The following TLK1 variants were observed in gnomAD, a reference collection of about 807,000 sequenced individuals.
TLK1 encodes the protein serine/threonine-protein kinase tousled-like 1.
A neutral mutation model predicts 105.3 loss-of-function variants in TLK1; 24 were observed. The observed-to-expected ratio is 0.23, with a 90% CI of 0.17 to 0.32. The LOEUF is 0.32. TLK1 is among the 10% of genes least tolerant of loss of function. TLK1 has a pLI of 1.00. For synonymous variants in TLK1, 321 were observed against 310.4 expected, an observed-to-expected ratio of 1.03 and a Z score of -0.36; for missense variants, 558 against 910.5, an observed-to-expected ratio of 0.61 and a Z score of 4.98.
chr2:171,128,093 C>T (rs1558957491), intron 1 of TLK1, among the ~76,000 whole-genome samples: 1 of 152,050 alleles, frequency 6.6e-6, no homozygotes, highest in Non-Finnish European at 1.5e-5. Context: ...TATAATTGGT[C>T]TTTTTAAACA....
intron 1 of TLK1, among the ~76,000 whole-genome samples, chr2:171,158,170 C>A (rs1337323237): frequency 2.0e-5 from 3 of 152,106 alleles, no homozygotes; most frequent in African/African-American, 7.2e-5. Context: ...ATGAATATAA[C>A]CCTAGAGAGG....
chr2:171,083,368 C>T (rs13025198), intron 2 of TLK1, among the ~76,000 whole-genome samples: 60,002 of 151,852 alleles, frequency 0.4, 13,359 homozygotes, highest in African/African-American at 0.59. Flanking sequence ...TTGACCATCT[C>T]GACCATTTTA....
chr2:171,125,764 T>C (rs925391709), intron 1 of TLK1, among the ~76,000 whole-genome samples: 4 of 152,174 alleles, frequency 2.6e-5, no homozygotes, highest in East Asian at 1.9e-4. Context: ...CAGGTAGTGA[T>C]TGGTTACATG....
chr2:171,118,360 C>A (rs956673814), intron 1 of TLK1, among the ~76,000 whole-genome samples: 2 of 152,208 alleles, frequency 1.3e-5, no homozygotes, highest in Admixed American at 6.5e-5. Flanking sequence ...AACTATGCGA[C>A]ATTACCACTT....
chr2:171,070,758 A>C (rs1688214813), intron 3 of TLK1, among the ~76,000 whole-genome samples: 1 of 152,150 alleles, frequency 6.6e-6, no homozygotes, highest in Non-Finnish European at 1.5e-5. Flanking sequence ...TCTTTGATAT[A>C]TCAATTTCTT....
chr2:171,148,183 C>T (rs1245193682), intron 1 of TLK1, among the ~76,000 whole-genome samples: 4 of 152,198 alleles, frequency 2.6e-5, no homozygotes, highest in Non-Finnish European at 5.9e-5. Context: ...AGCCACCACA[C>T]CCAGCAGCAG....
At chr2:171,130,400 G>A (rs1189841891) in intron 1 of TLK1, among the ~76,000 whole-genome samples, 6 of 145,370 alleles carry the variant, frequency 4.1e-5, no homozygotes, top group Non-Finnish European at 7.7e-5. Context: ...ACTCTATCTC[G>A]GGGAAAAAAA....
At chr2:171,202,193 C>T (rs1433669008) in intron 1 of TLK1, among the ~76,000 whole-genome samples, 4 of 152,178 alleles carry the variant, frequency 2.6e-5, no homozygotes, top group African/African-American at 2.4e-5. Flanking sequence ...CGGTGGCTCA[C>T]GCCTGTAATC....
intron 4 of TLK1, among the ~76,000 whole-genome samples, chr2:171,059,590 C>T (rs1687648865): frequency 6.6e-6 from 1 of 152,006 alleles, no homozygotes; most frequent in Non-Finnish European, 1.5e-5. Flanking sequence ...TTTTTTAAGG[C>T]AATAGTACCT....
chr2:171,056,640 G>T, intron 5 of TLK1, 74 bp from the exon 6 acceptor site: 3 of 1,196,824 alleles, frequency 2.5e-6, no homozygotes, highest in Non-Finnish European at 3.6e-6. Context: ...ATGACATTAA[G>T]AATTAATCTA....
chr2:171,109,059 CA>C (rs1690053128), intron 2 of TLK1, among the ~76,000 whole-genome samples: 1 of 152,006 alleles, frequency 6.6e-6, no homozygotes, highest in African/African-American at 2.4e-5. Context: ...ATATATCAAG[CA>C]AAAACAAATG....
intron 11 of TLK1, among the ~76,000 whole-genome samples, chr2:171,037,039 A>G (rs1026927821): frequency 1.3e-5 from 2 of 152,168 alleles, no homozygotes; most frequent in Non-Finnish European, 2.9e-5. Flanking sequence ...CAAAGAAAAA[A>G]AATACATTCT....
intron 1 of TLK1, among the ~76,000 whole-genome samples, chr2:171,182,936 A>AAAGG (rs1553487158): frequency 1.7e-5 from 2 of 119,264 alleles, no homozygotes; most frequent in African/African-American, 8.7e-5. Flanking sequence ...AAAAAAAAAA[A>AAAGG]AAGAAAGAAA....
chr2:171,120,641 T>C (rs1013951619), intron 1 of TLK1, among the ~76,000 whole-genome samples: 18 of 152,282 alleles, frequency 1.2e-4, no homozygotes, highest in Non-Finnish European at 2.2e-4. Context: ...ACCCCAAATA[T>C]ACAAGTGCTA....
upstream of TLK1, among the ~76,000 whole-genome samples, chr2:171,164,264 A>C (rs773866772): frequency 1.5e-4 from 23 of 152,248 alleles, no homozygotes; most frequent in Non-Finnish European, 3.4e-4. Flanking sequence ...ACTGCAGCTT[A>C]GCCTGAAAAT....
chr2:171,178,969 G>GA (rs890769851), intron 1 of TLK1, among the ~76,000 whole-genome samples: 16 of 152,112 alleles, frequency 1.1e-4, no homozygotes, highest in African/African-American at 3.9e-4. Context: ...AATTTTGAAT[G>GA]ACTCTTTCCA....
rs1324301893 is a variant in TLK1, at chr2:171,160,208, CGGGGGGGGCGGGGG to C, written c.139+68_139+81del. ...AGGGTCTGGCGGAGAAGCCCCGGGGCGGGGGGGGCGGGGGGGGGGCGCGGGGGTCCGCGGCGCGG... is the reference window on the plus strand; with the variant it reads ...AGGGTCTGGCGGAGAAGCCCCGGGGCGGGGGCGCGGGGGTCCGCGGCGCGG... On this transcript the variant is annotated intron_variant, in intron 1 of 20. Coordinates refer to ENST00000431350, the MANE Select transcript of TLK1 (RefSeq NM_012290.5). The surrounding 1 kb of genome is among the most constrained non-coding windows in gnomAD (Gnocchi z 4.4). 29 of 1,123,926 alleles carry C rather than the reference CGGGGGGGGCGGGGG, an allele frequency of 2.6e-5. No individual in the cohort carries two copies. The highest frequency in any genetic ancestry group is 9.3e-5 in the African/African-American group (3 of 32,284). The allele number at this position is 1,123,926 out of a possible 1,614,324, so 69.6% of individuals were successfully genotyped here.
At chr2:171,011,541 CCTAG>C (rs1684917676) in intron 13 of TLK1, 87 bp from the exon 14 acceptor site, 1 of 1,058,936 alleles carries the variant, frequency 9.4e-7, no homozygotes, top group East Asian at 2.6e-5. Flanking sequence ...TTATTCTATT[CCTAG>C]CTATTTATTT....
chr2:171,117,002 GT>G (rs1690461140), intron 2 of TLK1, among the ~76,000 whole-genome samples: 1 of 152,158 alleles, frequency 6.6e-6, no homozygotes, highest in African/African-American at 2.4e-5. Flanking sequence ...ACTCATCACA[GT>G]TTGAGGTAGA....
Sources: allele counts gnomAD v4.1 joint callset (sites outside exome capture counted in the v4.1 genomes callset), GRCh38; gene constraint gnomAD v4.1.1; non-coding constraint Gnocchi (gnomAD v3.1); transcripts MANE v1.5; gene names NCBI Gene and HGNC (gene_info 2026-07-23, HGNC 2026-07-21).